Variants in KAZN observed in about 807,000 individuals in gnomAD.
KAZN encodes the protein kazrin, periplakin interacting protein, also known as kazrin.
In KAZN, 40 loss-of-function variants were observed where a neutral mutation model predicts 87.4. The ratio of observed to expected loss-of-function variants is 0.46; its 90% CI spans 0.36 to 0.60. The LOEUF (loss-of-function observed/expected upper bound fraction) is 0.60, where lower values mean the gene tolerates loss of function less well. Ranked by LOEUF, KAZN falls within the 20% of genes least tolerant of loss-of-function variation. KAZN has a pLI of 0.00. For synonymous variants in KAZN, 466 were observed against 458.3 expected (o/e 1.02, Z -0.22); for missense variants, 898 against 1,073.9 (o/e 0.84, Z 2.29).
intron 2 of KAZN, among the ~76,000 whole-genome samples, chr1:14,208,488 T>TTTTCTCC (rs1646788175): frequency 6.6e-6 from 1 of 152,142 alleles, no homozygotes; most frequent in African/African-American, 2.4e-5. Context: ...AGCCTCTGAG[T>TTTTCTCC]AGACAGAGTG....
chr1:14,270,379 T>C (rs897801764), intron 2 of KAZN, among the ~76,000 whole-genome samples: 1 of 152,220 alleles, frequency 6.6e-6, no homozygotes, highest in Admixed American at 6.5e-5. Context: ...ACAACTGATG[T>C]TGACTCTGAT....
At chr1:13,924,931 A>G (rs952800244) in intron 1 of KAZN, among the ~76,000 whole-genome samples, 6 of 152,226 alleles carry the variant, frequency 3.9e-5, no homozygotes, top group African/African-American at 1.4e-4. Context: ...CAGCGTTCAC[A>G]ATATCATACA....
At chr1:14,052,031 T>C (rs1642362078) in intron 1 of KAZN, among the ~76,000 whole-genome samples, 2 of 152,186 alleles carry the variant, frequency 1.3e-5, no homozygotes, top group Non-Finnish European at 2.9e-5. Flanking sequence ...TATGAGCTGC[T>C]TCACCGTGTG....
chr1:13,931,464 G>GTA (rs908105941), intron 1 of KAZN, among the ~76,000 whole-genome samples: 1 of 151,622 alleles, frequency 6.6e-6, no homozygotes, highest in Non-Finnish European at 1.5e-5. Context: ...GTGTGTGTGT[G>GTA]TGCATGCGTG....
At chr1:14,765,057 A>T (rs534209947) in intron 1 of KAZN, among the ~76,000 whole-genome samples, 71 of 152,294 alleles carry the variant, frequency 4.7e-4, no homozygotes, top group African/African-American at 1.7e-3. Context: ...CTCCAAGACT[A>T]GTGCTTCTCT....
chr1:14,548,268 G>T (rs978928276), intron 2 of KAZN, among the ~76,000 whole-genome samples: 10 of 148,984 alleles, frequency 6.7e-5, no homozygotes, highest in African/African-American at 2.5e-4. Context: ...GTGCGATCTC[G>T]GCTCACTGCA....
chr1:14,916,821 G>C (rs1203034283), intron 1 of KAZN, among the ~76,000 whole-genome samples: 2 of 151,950 alleles, frequency 1.3e-5, no homozygotes, highest in Non-Finnish European at 2.9e-5. Flanking sequence ...GACTGAGGCA[G>C]AAGGATTGCT....
chr1:14,928,420 G>T (rs973792808), intron 1 of KAZN, among the ~76,000 whole-genome samples: 33 of 150,602 alleles, frequency 2.2e-4, no homozygotes, highest in African/African-American at 7.6e-4. Flanking sequence ...CTGCACTCCA[G>T]CCTGGGCGAC....
chr1:14,784,486 T>C (rs2744870), intron 1 of KAZN, among the ~76,000 whole-genome samples: 14,247 of 152,146 alleles, frequency 0.094, 1,056 homozygotes, highest in Admixed American at 0.22. Flanking sequence ...GGGCCGGGCA[T>C]GGCAGCTCAC....
At chr1:14,130,797 C>A (rs983912585) in intron 1 of KAZN, among the ~76,000 whole-genome samples, 2 of 152,018 alleles carry the variant, frequency 1.3e-5, no homozygotes, top group Admixed American at 6.6e-5. Context: ...AGCATTTAGG[C>A]AATTCTGAAA....
intron 8 of KAZN, among the ~76,000 whole-genome samples, chr1:15,090,052 C>G (rs1489619274): frequency 6.6e-6 from 1 of 152,242 alleles, no homozygotes; most frequent in South Asian, 2.1e-4. Flanking sequence ...GTATCTGCAA[C>G]TTTCACACCC....
At chr1:14,052,070 C>T (rs1642363260) in intron 1 of KAZN, among the ~76,000 whole-genome samples, 1 of 152,150 alleles carries the variant, frequency 6.6e-6, no homozygotes, top group Non-Finnish European at 1.5e-5. Context: ...TGTCCTCTTC[C>T]CTGCTGGAGA....
rs1390225567 is a variant in KAZN, at chr1:14,215,428, C to T, written c.249+34836C>T. 1.3e-5 allele frequency among the ~76,000 whole-genome samples: 2 copies of T among 152,140 alleles called. 1 individual carries two copies. Among genetic ancestry groups the T allele is most frequent in the East Asian group, 3.9e-4 (2 of 5,188 alleles). ...TGTGGGAAGGGCCTGCTGCTCTAGA[C>T]CTTAGTCCCACCAGTGCTTACATAT... On this transcript the variant is annotated intron_variant, in intron 2 of 16. Transcript: ENST00000636203.
At chr1:14,778,964 C>T (rs1390839115) in intron 1 of KAZN, among the ~76,000 whole-genome samples, 1 of 152,152 alleles carries the variant, frequency 6.6e-6, no homozygotes, top group Non-Finnish European at 1.5e-5. Context: ...AGCCTGAGGC[C>T]TCTCTCTTTC....
chr1:14,092,645 ACG>A (rs1187501905), intron 1 of KAZN, among the ~76,000 whole-genome samples: 1 of 150,208 alleles, frequency 6.7e-6, no homozygotes, highest in African/African-American at 2.5e-5. Flanking sequence ...ACACACACAC[ACG>A]CACTGGTACC....
At chr1:14,687,787 G>A (rs1419900498) in intron 1 of KAZN, among the ~76,000 whole-genome samples, 1 of 152,192 alleles carries the variant, frequency 6.6e-6, no homozygotes, top group East Asian at 1.9e-4. Context: ...AGAGTTTTCT[G>A]TGCACTTTCA....
chr1:14,249,101 C>T (rs1412626822), intron 2 of KAZN, among the ~76,000 whole-genome samples: 1 of 152,200 alleles, frequency 6.6e-6, no homozygotes, highest in African/African-American at 2.4e-5. Context: ...AAGCCCCTGA[C>T]ATAATGAAGC....
At chr1:14,077,200 T>C (rs1643496118) in intron 1 of KAZN, among the ~76,000 whole-genome samples, 1 of 152,174 alleles carries the variant, frequency 6.6e-6, no homozygotes, top group Non-Finnish European at 1.5e-5. Context: ...TTCTTGACAG[T>C]TCTTTGATCC....
intron 1 of KAZN, among the ~76,000 whole-genome samples, chr1:14,854,586 C>T (rs964569953): frequency 1.3e-4 from 20 of 152,052 alleles, no homozygotes; most frequent in African/African-American, 4.1e-4. Context: ...CCCACTCTTG[C>T]GGGAGCTAAT....
Sources: allele counts gnomAD v4.1 joint callset (sites outside exome capture counted in the v4.1 genomes callset), GRCh38; gene constraint gnomAD v4.1.1; transcripts MANE v1.5; gene names NCBI Gene and HGNC (gene_info 2026-07-23, HGNC 2026-07-21).